GPC6: variants seen among roughly 807,000 people sequenced by gnomAD.
GPC6 encodes glypican-6.
Under a neutral mutation model 55.2 loss-of-function variants are expected in GPC6, and 14 were observed. That is an observed-to-expected ratio of 0.25 (90% CI 0.17 to 0.40). GPC6 has a LOEUF of 0.40. Ranked by LOEUF, GPC6 falls within the 10% of genes least tolerant of loss-of-function variation. GPC6 has a pLI of 1.00. For synonymous variants in GPC6, 278 were observed against 259.6 expected (o/e 1.07, Z -0.68); for missense variants, 641 against 708.5 (o/e 0.90, Z 1.08).
chr13:94,243,400 GA>G (rs886236732), intron 4 of GPC6, among the ~76,000 whole-genome samples: 3 of 151,670 alleles, frequency 2.0e-5, no homozygotes, highest in Non-Finnish European at 4.4e-5. Context: ...ATTGCTTCCA[GA>G]AAAAAAATCA....
At position 93,247,530 on chromosome 13, in the gene GPC6, A is replaced by G. The variant is rs1876644280; in HGVS notation, c.160+19914A>G. 2.0e-5 allele frequency among the ~76,000 whole-genome samples: 3 copies of G among 152,306 alleles called. No individual in the cohort carries two copies. In the South Asian group the frequency reaches 6.2e-4, roughly 32 times the overall value. On this transcript the variant is annotated intron_variant, in intron 1 of 8. Coordinates refer to ENST00000377047, the MANE Select transcript of GPC6 (RefSeq NM_005708.5). ...TTTACTACTCATTTCATGATATGGT[A>G]TCTTATTCAATATTCTTTCACAGAC...
chr13:93,984,336 A>G (rs150217205), intron 3 of GPC6, among the ~76,000 whole-genome samples: 1 of 152,344 alleles, frequency 6.6e-6, no homozygotes, highest in Non-Finnish European at 1.5e-5. Context: ...TAAATAGTAA[A>G]AAAGCTGTTT....
chr13:94,252,736 G>C (rs1364990325), intron 4 of GPC6, among the ~76,000 whole-genome samples: 2 of 151,958 alleles, frequency 1.3e-5, no homozygotes, highest in African/African-American at 4.8e-5. Context: ...ACTTTCTTTT[G>C]TCCCAGAACA....
intron 2 of GPC6, among the ~76,000 whole-genome samples, chr13:93,805,779 G>A (rs1231036071): frequency 6.6e-6 from 1 of 152,120 alleles, no homozygotes; most frequent in African/African-American, 2.4e-5. Context: ...ATTAGGTTTG[G>A]CCCAGTATTT....
intron 1 of GPC6, among the ~76,000 whole-genome samples, chr13:93,269,678 C>T (rs984422647): frequency 6.6e-6 from 1 of 151,156 alleles, no homozygotes. Context: ...GTAATCCCAG[C>T]ACTTTGGGAG....
chr13:93,540,874 C>T (rs1210174384), intron 1 of GPC6, among the ~76,000 whole-genome samples: 2 of 152,144 alleles, frequency 1.3e-5, no homozygotes, highest in Admixed American at 1.3e-4. Flanking sequence ...CTAGTATCCT[C>T]TGTTCTGCTT....
intron 3 of GPC6, among the ~76,000 whole-genome samples, chr13:93,992,562 C>T (rs986361229): frequency 6.6e-6 from 1 of 152,028 alleles, no homozygotes; most frequent in African/African-American, 2.4e-5. Flanking sequence ...TTATTTTAGA[C>T]CAATGGTTGC....
intron 2 of GPC6, among the ~76,000 whole-genome samples, chr13:93,577,962 T>G (rs1876744557): frequency 6.6e-6 from 1 of 152,136 alleles, no homozygotes; most frequent in Admixed American, 6.6e-5. Context: ...TCAATTGAAA[T>G]AATTATATGG....
In GPC6 at chr13:93,272,490, G is replaced by GTATATATA. The variant is rs71202576; in HGVS notation, c.160+44875_160+44876insATATATAT. On this transcript the variant is annotated intron_variant, in intron 1 of 8. Coordinates refer to ENST00000377047, the MANE Select transcript of GPC6 (RefSeq NM_005708.5). Reference sequence around the variant, plus strand: ...AAGAATGAGGTGATTCATTGTCTGTGTGTATATATATATATATATATATAT... The same window carrying GTATATATA: ...AAGAATGAGGTGATTCATTGTCTGTGTATATATATGTATATATATATATATATATATAT... Among the ~76,000 whole-genome samples the GTATATATA allele has an allele frequency of 5.5e-3, 529 of 95,350 alleles. 2 individuals carry two copies. Among genetic ancestry groups the GTATATATA allele is most frequent in the African/African-American group, 6.4e-3 (145 of 22,498 alleles). 62.6% of individuals were successfully genotyped at this position (95,350 alleles called of 152,430 possible).
In GPC6 at chr13:93,434,094, C is replaced by G. The variant is rs151217117; in HGVS notation, c.161-111169C>G. ...TCCTCTTCTTCTCTGCTTGATATTG[C>G]TCTCTGGCATCCAGGGACTGCTTTG... On this transcript the variant is annotated intron_variant, in intron 1 of 8. Transcript: ENST00000377047. Among the ~76,000 whole-genome samples, 786 of 152,252 alleles carry G rather than the reference C, an allele frequency of 5.2e-3. 5 individuals carry two copies. The highest frequency in any genetic ancestry group is 0.018 in the African/African-American group (753 of 41,542).
At chr13:93,515,848 A>G (rs1881169544) in intron 1 of GPC6, among the ~76,000 whole-genome samples, 2 of 152,172 alleles carry the variant, frequency 1.3e-5, no homozygotes, top group Non-Finnish European at 2.9e-5. Flanking sequence ...AGTACTTGAA[A>G]TCTCAGAAAA....
chr13:94,402,573 GCT>G (rs991485882), intron 8 of GPC6, among the ~76,000 whole-genome samples: 26 of 152,228 alleles, frequency 1.7e-4, no homozygotes, highest in African/African-American at 6.3e-4. Context: ...TATCTGCTGA[GCT>G]CTGTTTCCAC....
intron 1 of GPC6, among the ~76,000 whole-genome samples, chr13:93,467,556 C>A (rs1878952302): frequency 6.7e-6 from 1 of 149,628 alleles, no homozygotes; most frequent in African/African-American, 2.5e-5. Flanking sequence ...TGATGCTACC[C>A]TGCTGGCAAG....
chr13:93,225,344 G>C (rs759340804), upstream of GPC6, among the ~76,000 whole-genome samples: 1 of 152,198 alleles, frequency 6.6e-6, no homozygotes, highest in African/African-American at 2.4e-5. Context: ...ATTTTATCTT[G>C]ATTTCCGACT....
At chr13:93,500,048 C>A (rs1441043313) in intron 1 of GPC6, among the ~76,000 whole-genome samples, 1 of 152,174 alleles carries the variant, frequency 6.6e-6, no homozygotes, top group Non-Finnish European at 1.5e-5. Flanking sequence ...GTGCTTACAG[C>A]ACTTCCTGCT....
intron 2 of GPC6, among the ~76,000 whole-genome samples, chr13:93,608,202 T>C (rs1057226552): frequency 2.0e-5 from 3 of 151,548 alleles, no homozygotes; most frequent in African/African-American, 7.3e-5. Context: ...AAGTACTAGG[T>C]CTTCCAGAAC....
At chr13:93,487,668 G>A (rs1199028512) in intron 1 of GPC6, among the ~76,000 whole-genome samples, 2 of 151,974 alleles carry the variant, frequency 1.3e-5, no homozygotes, top group Non-Finnish European at 2.9e-5. Flanking sequence ...CATTTGTATT[G>A]GAACACTGTG....
chr13:93,854,259 C>T (rs1355432545), intron 3 of GPC6, among the ~76,000 whole-genome samples: 9 of 151,604 alleles, frequency 5.9e-5, no homozygotes, highest in Non-Finnish European at 1.0e-4. Context: ...AATCTTTTTT[C>T]CTTCATCCCA....
intron 4 of GPC6, among the ~76,000 whole-genome samples, chr13:94,074,375 T>C (rs1884838306): frequency 6.6e-6 from 1 of 152,198 alleles, no homozygotes; most frequent in Non-Finnish European, 1.5e-5. Flanking sequence ...AACATGACAA[T>C]GAAGGTTTAA....
Sources: gnomAD v4.1 joint callset for allele counts (sites outside exome capture counted in the v4.1 genomes callset) on GRCh38, gnomAD v4.1.1 for gene constraint, MANE v1.5 for transcripts, NCBI Gene and HGNC (gene_info 2026-07-23, HGNC 2026-07-21) for gene names.